PAX5: variants seen among roughly 807,000 people sequenced by gnomAD.
The protein encoded by PAX5 is paired box 5.
Under a neutral mutation model 43.7 loss-of-function variants are expected in PAX5, and 9 were observed. The ratio of observed to expected loss-of-function variants is 0.21; its 90% CI spans 0.12 to 0.36. PAX5 has a LOEUF of 0.36. PAX5 is among the 10% of genes least tolerant of loss of function. The pLI, the probability that PAX5 is intolerant of heterozygous loss-of-function variation, is 1.00. For synonymous variants in PAX5, 228 were observed against 214.3 expected (o/e 1.06, Z -0.56); for missense variants, 383 against 532.7 (o/e 0.72, Z 2.77).
chr9:36,965,850 A>G (rs1206357565), intron 6 of PAX5, among the ~76,000 whole-genome samples: 1 of 152,148 alleles, frequency 6.6e-6, no homozygotes, highest in Non-Finnish European at 1.5e-5. Context: ...ACTGAATCTG[A>G]TAGTCCAGAG....
chr9:36,883,992 G>T (rs184058622), intron 7 of PAX5, among the ~76,000 whole-genome samples: 82 of 151,470 alleles, frequency 5.4e-4, no homozygotes, highest in Non-Finnish European at 1.0e-3. Flanking sequence ...AATAGAAAAA[G>T]TTTAAAAAAA....
At chr9:36,963,598 G>A (rs995913284) in intron 6 of PAX5, among the ~76,000 whole-genome samples, 3 of 152,254 alleles carry the variant, frequency 2.0e-5, no homozygotes, top group Non-Finnish European at 4.4e-5. Flanking sequence ...AGAAGTTAGA[G>A]GAGTGGCATG....
At chr9:36,861,528 A>G (rs189070313) in intron 8 of PAX5, among the ~76,000 whole-genome samples, 1 of 151,552 alleles carries the variant, frequency 6.6e-6, no homozygotes, top group African/African-American at 2.4e-5. Flanking sequence ...GTGGAATTTT[A>G]GATGGAGTGA....
At chr9:36,987,707 G>A (rs1836554580) in intron 5 of PAX5, among the ~76,000 whole-genome samples, 1 of 152,208 alleles carries the variant, frequency 6.6e-6, no homozygotes, top group African/African-American at 2.4e-5. Context: ...GATGCTCGGG[G>A]CCATGGGGAA....
chr9:37,025,138 G>A (rs1035595940), intron 1 of PAX5, among the ~76,000 whole-genome samples: 2 of 152,212 alleles, frequency 1.3e-5, no homozygotes, highest in African/African-American at 4.8e-5. Flanking sequence ...TTGAGGAATC[G>A]TTTGGGCTGG....
At chr9:36,851,318 G>A (rs1365207038) in intron 8 of PAX5, among the ~76,000 whole-genome samples, 1 of 152,140 alleles carries the variant, frequency 6.6e-6, no homozygotes, top group Non-Finnish European at 1.5e-5. Context: ...GGGGGTAGAA[G>A]AACATTGAAG....
At chr9:37,007,180 A>G (rs1838472628) in intron 3 of PAX5, among the ~76,000 whole-genome samples, 1 of 152,244 alleles carries the variant, frequency 6.6e-6, no homozygotes, top group South Asian at 2.1e-4. Context: ...GAAAGGATCC[A>G]CAGGGCTGGA....
intron 7 of PAX5, among the ~76,000 whole-genome samples, chr9:36,900,171 G>A (rs1321147599): frequency 6.6e-6 from 1 of 152,192 alleles, no homozygotes; most frequent in Non-Finnish European, 1.5e-5. Context: ...AGTCAGAGAC[G>A]TGATTTCCCA....
chr9:37,020,836 G>C (rs752082351), intron 1 of PAX5, 35 bp from the exon 2 acceptor site: 25 of 1,610,570 alleles, frequency 1.6e-5, no homozygotes, highest in Non-Finnish European at 2.0e-5. Flanking sequence ...AAAGGGAAAG[G>C]GTAGTTAGAA....
chr9:36,943,568 A>ACACACACAGC (rs1832245822), intron 6 of PAX5, among the ~76,000 whole-genome samples: 1 of 151,290 alleles, frequency 6.6e-6, no homozygotes, highest in East Asian at 1.9e-4. Context: ...ACACACACAC[A>ACACACACAGC]GCTACATATT....
chr9:37,026,494 G>C, intron 1 of PAX5: 2 of 1,316,820 alleles, frequency 1.5e-6, no homozygotes, highest in Non-Finnish European at 2.0e-6. Context: ...ACCCGGTCCC[G>C]GCGGGAGAGT....
At chr9:36,897,103 G>C (rs1483837172) in intron 7 of PAX5, among the ~76,000 whole-genome samples, 1 of 152,182 alleles carries the variant, frequency 6.6e-6, no homozygotes, top group Non-Finnish European at 1.5e-5. Flanking sequence ...GCAATGCAGT[G>C]GGCATCTGAC....
At chr9:36,996,092 C>G (rs555238646) in intron 5 of PAX5, among the ~76,000 whole-genome samples, 4 of 152,228 alleles carry the variant, frequency 2.6e-5, no homozygotes, top group African/African-American at 9.6e-5. Context: ...GGAATCGCTC[C>G]GTGGCTCCAC....
chr9:36,968,414 T>A (rs1246098282), intron 5 of PAX5, among the ~76,000 whole-genome samples: 1 of 152,154 alleles, frequency 6.6e-6, no homozygotes, highest in Non-Finnish European at 1.5e-5. Flanking sequence ...AGGGCTGACA[T>A]TTGAACAAAG....
At chr9:36,910,068 C>T (rs1457793296) in intron 7 of PAX5, among the ~76,000 whole-genome samples, 1 of 151,974 alleles carries the variant, frequency 6.6e-6, no homozygotes, top group Non-Finnish European at 1.5e-5. Flanking sequence ...AGCAATCCAC[C>T]CTCTTAATGT....
intron 7 of PAX5, among the ~76,000 whole-genome samples, chr9:36,901,096 C>T (rs1324378593): frequency 1.3e-5 from 2 of 152,120 alleles, no homozygotes; most frequent in Non-Finnish European, 2.9e-5. Flanking sequence ...GGTCTTCCTG[C>T]GAGTCTCATC....
At chr9:37,002,208 C>G (rs1182597640) in intron 5 of PAX5, among the ~76,000 whole-genome samples, 1 of 152,216 alleles carries the variant, frequency 6.6e-6, no homozygotes, top group Non-Finnish European at 1.5e-5. Flanking sequence ...AGAGAACCCA[C>G]CCCTCCGCCC....
At chr9:36,965,014 C>A (rs1340914763) in intron 6 of PAX5, among the ~76,000 whole-genome samples, 1 of 152,076 alleles carries the variant, frequency 6.6e-6, no homozygotes, top group Non-Finnish European at 1.5e-5. Flanking sequence ...CAACTCAGGG[C>A]CTTTGCACTT....
intron 6 of PAX5, among the ~76,000 whole-genome samples, chr9:36,944,911 T>C (rs988653002): frequency 6.6e-5 from 10 of 152,218 alleles, no homozygotes. Context: ...GTGCCTATGG[T>C]TAAACACAGA....
Sources: gnomAD v4.1 joint callset for allele counts (sites outside exome capture counted in the v4.1 genomes callset) on GRCh38, gnomAD v4.1.1 for gene constraint, MANE v1.5 for transcripts, NCBI Gene and HGNC (gene_info 2026-07-23, HGNC 2026-07-21) for gene names.